The following ZNF487 variants were observed in gnomAD, a reference collection of about 807,000 sequenced individuals.
ZNF487 encodes the protein zinc finger protein 487, also known as KRAB domain only 1.
A neutral mutation model predicts 3.0 loss-of-function variants in ZNF487; 4 were observed. The ratio of observed to expected loss-of-function variants is 1.35; its 90% CI spans 0.66 to 3.08. The LOEUF is 3.08. ZNF487 is among the 30% of genes most tolerant of loss of function. The probability of loss-of-function intolerance (pLI) is 0.01; values close to 1 mark genes in which losing one functional copy is unlikely to be tolerated. For synonymous variants in ZNF487, 55 were observed against 34.6 expected (o/e 1.59, Z -2.06); for missense variants, 146 against 98.7 (o/e 1.48, Z -2.03).
the ZNF487 span, among the ~76,000 whole-genome samples, chr10:43,509,086 C>G: frequency 6.6e-6 from 1 of 151,340 alleles, no homozygotes; most frequent in Non-Finnish European, 1.5e-5. Flanking sequence ...CCCAGCTACT[C>G]GGGTGGCTGA....
chr10:43,501,098 T>C, the ZNF487 span, among the ~76,000 whole-genome samples: 3 of 152,318 alleles, frequency 2.0e-5, no homozygotes, highest in East Asian at 1.9e-4. Flanking sequence ...GCTCCTGGGC[T>C]ATAAACCTGT....
intron 1 of ZNF487, among the ~76,000 whole-genome samples, chr10:43,456,903 C>T (rs1453670652): frequency 6.6e-6 from 1 of 152,118 alleles, no homozygotes; most frequent in Non-Finnish European, 1.5e-5. Flanking sequence ...TCTTAAACAC[C>T]CCAACGGCCT....
downstream of ZNF487, among the ~76,000 whole-genome samples, chr10:43,487,929 CAAAAAAAAAAA>C (rs76705594): frequency 1.7e-4 from 7 of 40,458 alleles, no homozygotes; most frequent in Admixed American, 8.2e-4. Context: ...TACCAAAATA[CAAAAAAAAAAA>C]AAAAAAAAAA....
At chr10:43,522,600 G>C in the ZNF487 span, among the ~76,000 whole-genome samples, 1 of 152,144 alleles carries the variant, frequency 6.6e-6, no homozygotes, top group African/African-American at 2.4e-5. Context: ...CAGGCACGGT[G>C]GCGGGTGCCT....
At chr10:43,457,781 G>C (rs1840271656) in intron 1 of ZNF487, among the ~76,000 whole-genome samples, 1 of 151,992 alleles carries the variant, frequency 6.6e-6, no homozygotes, top group African/African-American at 2.4e-5. Context: ...CCAGCACTTT[G>C]GGAGGCCGAG....
chr10:43,462,925 A>G (rs1840485424), intron 1 of ZNF487, among the ~76,000 whole-genome samples: 1 of 151,194 alleles, frequency 6.6e-6, no homozygotes, highest in Admixed American at 6.6e-5. Context: ...ATGCCTGGCT[A>G]TGCCTGGCTA....
chr10:43,503,289 T>C, the ZNF487 span, among the ~76,000 whole-genome samples: 1 of 152,096 alleles, frequency 6.6e-6, no homozygotes, highest in African/African-American at 2.4e-5. Context: ...AACAAATAGA[T>C]ATATAGATAG....
At chr10:43,512,455 G>A in the ZNF487 span, among the ~76,000 whole-genome samples, 3 of 152,302 alleles carry the variant, frequency 2.0e-5, no homozygotes, top group Middle Eastern at 0.01. Context: ...AGGCAGTTCA[G>A]GTTGCCAGGT....
the ZNF487 span, among the ~76,000 whole-genome samples, chr10:43,501,605 T>A: frequency 2.5e-5 from 2 of 81,566 alleles, no homozygotes; most frequent in Admixed American, 1.4e-4. Flanking sequence ...CTGAGCATAG[T>A]GGCATGCGCC....
chr10:43,494,136 G>T, the ZNF487 span, among the ~76,000 whole-genome samples: 20 of 152,202 alleles, frequency 1.3e-4, 1 homozygote, highest in African/African-American at 4.8e-4. Flanking sequence ...GTGATTTGTA[G>T]TGTGCTGGGC....
chr10:43,447,905 C>G (rs1193984828), intron 1 of ZNF487, among the ~76,000 whole-genome samples: 11 of 151,884 alleles, frequency 7.2e-5, no homozygotes, highest in Non-Finnish European at 1.5e-5. Flanking sequence ...TTAGCTGGGG[C>G]ACTTGTAGGA....
the ZNF487 span, among the ~76,000 whole-genome samples, chr10:43,490,410 A>G: frequency 1.4e-5 from 2 of 139,376 alleles, no homozygotes; most frequent in African/African-American, 5.4e-5. Context: ...ATTTTCTCCC[A>G]TTTCTTCTTG....
rs528332045 is a variant in ZNF487 at position 43,449,677 on chromosome 10, C to G, written c.-94+12415C>G. Among the ~76,000 whole-genome samples, 42 of 149,358 alleles carry G rather than the reference C, an allele frequency of 2.8e-4. No individual in the cohort carries two copies. In the South Asian group the frequency reaches 6.1e-3, roughly 22 times the overall value. Reference sequence around the variant, plus strand: ...CCTCAGCAGTTAACATGTATTGAAGCATTTTTTTTTTTTTTTTAATGAGAC... The same window carrying G: ...CCTCAGCAGTTAACATGTATTGAAGGATTTTTTTTTTTTTTTTAATGAGAC... On this transcript the variant is annotated intron_variant, in intron 1 of 3. Transcript: ENST00000437590.
chr10:43,498,902 A>C, the ZNF487 span, among the ~76,000 whole-genome samples: 1 of 151,364 alleles, frequency 6.6e-6, no homozygotes, highest in South Asian at 2.1e-4. Flanking sequence ...AGATCGCGCC[A>C]CTGCACTCTA....
the ZNF487 span, among the ~76,000 whole-genome samples, chr10:43,490,500 CTTTTTTT>C: frequency 8.9e-4 from 35 of 39,160 alleles, no homozygotes; most frequent in Admixed American, 3.2e-3. Context: ...AGTAGCTCTA[CTTTTTTT>C]TTTTTTTTTT....
At chr10:43,479,984 C>CTTCTTTCTTTCTTTCTTTCTTTCT (rs71533064) in intron 3 of ZNF487, among the ~76,000 whole-genome samples, 1 of 57,816 alleles carries the variant, frequency 1.7e-5, no homozygotes, top group African/African-American at 4.1e-5. Flanking sequence ...TCTTTCTTTC[C>CTTCTTTCTTTCTTTCTTTCTTTCT]TTCTTTCTTT....
intron 1 of ZNF487, among the ~76,000 whole-genome samples, chr10:43,466,120 T>C (rs1840691664): frequency 6.6e-6 from 1 of 150,710 alleles, no homozygotes; most frequent in Non-Finnish European, 1.5e-5. Context: ...GAGGTTGCAG[T>C]GAGCCGAGAT....
At chr10:43,478,975 T>C (rs182275601) in intron 3 of ZNF487, among the ~76,000 whole-genome samples, 108 of 150,408 alleles carry the variant, frequency 7.2e-4, no homozygotes, top group African/African-American at 2.2e-3. Context: ...AGCCGATCTC[T>C]TTTGATCCTA....
Position 43,444,170 on chromosome 10 carries a change from A to G in ZNF487, c.-94+6908A>G, listed in dbSNP as rs199723411. Among the ~76,000 whole-genome samples the G allele has an allele frequency of 1.1e-4, 16 of 152,248 alleles. No individual in the cohort carries two copies. In the East Asian group the frequency reaches 2.5e-3, roughly 24 times the overall value. ...GCCCGGCTCCTAAAAGTTTTCTAAC[A>G]AAGCTCCTTCTCTCCTTGTCCTTTG... is the stretch of plus-strand genomic sequence containing the variant. On this transcript the variant is annotated intron_variant, in intron 1 of 3. Coordinates refer to ENST00000437590, the MANE Select transcript of ZNF487 (RefSeq NM_001355444.3).
Sources: allele counts gnomAD v4.1 joint callset (sites outside exome capture counted in the v4.1 genomes callset), GRCh38; gene constraint gnomAD v4.1.1; transcripts MANE v1.5; gene names NCBI Gene and HGNC (gene_info 2026-07-23, HGNC 2026-07-21).